The following CSMD1 variants were observed in gnomAD, a reference collection of about 807,000 sequenced individuals.
CSMD1 encodes the protein CUB and Sushi multiple domains 1, also known as CUB and sushi domain-containing protein 1.
CSMD1 carries 213 observed loss-of-function variants against 417.5 expected under a neutral mutation model. The ratio of observed to expected loss-of-function variants is 0.51; its 90% CI spans 0.46 to 0.57. The LOEUF is 0.57. Among genes scored for constraint, CSMD1 ranks in the 20% least tolerant of loss-of-function variants. The pLI, the probability that CSMD1 is intolerant of heterozygous loss-of-function variation, is 0.00. For missense variants in CSMD1, 6,923 were observed against 4,529.7 expected, an observed-to-expected ratio of 1.53 and a Z score of -15.17; for synonymous variants, 2,862 against 1,736.8, an observed-to-expected ratio of 1.65 and a Z score of -16.11.
intron 1 of CSMD1, among the ~76,000 whole-genome samples, chr8:4,661,602 A>T (rs1585410074): frequency 6.6e-6 from 1 of 152,212 alleles, no homozygotes; most frequent in Non-Finnish European, 1.5e-5. Context: ...ATGTTGTACT[A>T]TTTCCTGGCT....
At chr8:4,369,168 A>G (rs762289039) in intron 3 of CSMD1, among the ~76,000 whole-genome samples, 1 of 152,122 alleles carries the variant, frequency 6.6e-6, no homozygotes, top group Non-Finnish European at 1.5e-5. Context: ...CTGGTTTCAA[A>G]AACTTTTTTT....
chr8:4,747,002 T>C (rs552324727), intron 1 of CSMD1, among the ~76,000 whole-genome samples: 3 of 152,258 alleles, frequency 2.0e-5, no homozygotes, highest in South Asian at 4.1e-4. Flanking sequence ...AGGGAACTCG[T>C]GAGAAGGCGG....
chr8:4,927,181 A>T (rs774779594), intron 1 of CSMD1, among the ~76,000 whole-genome samples: 51 of 151,286 alleles, frequency 3.4e-4, no homozygotes, highest in Non-Finnish European at 7.2e-4. Flanking sequence ...ATCTCAGCTC[A>T]GGGCAATCTC....
chr8:4,426,472 TTATA>T (rs1330677657), intron 2 of CSMD1, among the ~76,000 whole-genome samples: 1 of 148,196 alleles, frequency 6.7e-6, no homozygotes, highest in Admixed American at 6.8e-5. Flanking sequence ...AGACTACAGT[TTATA>T]TATATGACAT....
Position 4,794,733 on chromosome 8 carries a change from T to C in CSMD1, c.86-157175A>G, listed in dbSNP as rs544726161. ...CAGAGTATTTTCTCAGGAAAAAAGC[T>C]CTGAACAGATTATTGAGCCATTTGA... On this transcript the variant is annotated intron_variant, in intron 1 of 69. Transcript: ENST00000635120. Among the ~76,000 whole-genome samples, 3 of 152,286 alleles carry C rather than the reference T, an allele frequency of 2.0e-5. No individual in the cohort carries two copies. The East Asian group carries it at 5.8e-4, about 29-fold the overall frequency.
intron 6 of CSMD1, among the ~76,000 whole-genome samples, chr8:3,752,608 T>C (rs1797401086): frequency 1.5e-5 from 2 of 137,886 alleles, no homozygotes; most frequent in Non-Finnish European, 3.0e-5. Context: ...GAGGCAAGAC[T>C]GCACCACTGC....
intron 1 of CSMD1, among the ~76,000 whole-genome samples, chr8:4,706,719 G>A (rs767059045): frequency 1.1e-4 from 17 of 152,166 alleles, no homozygotes; most frequent in Non-Finnish European, 1.8e-4. Context: ...ACAAAAGACA[G>A]AGATGTGGCC....
intron 26 of CSMD1, among the ~76,000 whole-genome samples, chr8:3,243,896 C>A (rs1298358837): frequency 6.6e-6 from 1 of 152,056 alleles, no homozygotes; most frequent in Non-Finnish European, 1.5e-5. Context: ...CTATTAAATG[C>A]ATGAACTACA....
rs1554529578 is a variant in CSMD1, at chr8:4,952,350, C to CATGAGAAG, written c.85+41981_85+41982insCTTCTCAT. 4.0e-5 allele frequency among the ~76,000 whole-genome samples: 6 copies of CATGAGAAG among 150,462 alleles called. No individual in the cohort carries two copies. The South Asian group carries it at 1.1e-3, about 26-fold the overall frequency. On this transcript the variant is annotated intron_variant, in intron 1 of 69. Transcript: ENST00000635120. ...ATGAAAACAAACCCAATAAGTGAAA[C>CATGAGAAG]TGAATAATGTATGCGTTGATTCAAA...
chr8:3,649,413 A>T (rs930788597), intron 7 of CSMD1, among the ~76,000 whole-genome samples: 6 of 152,220 alleles, frequency 3.9e-5, no homozygotes, highest in Non-Finnish European at 4.4e-5. Flanking sequence ...CACTGCTATA[A>T]ATAACTGCCT....
chr8:4,308,570 C>T (rs1798383132), intron 3 of CSMD1, among the ~76,000 whole-genome samples: 1 of 152,180 alleles, frequency 6.6e-6, no homozygotes, highest in Admixed American at 6.5e-5. Flanking sequence ...TCTTCCTGTG[C>T]TCTTACAGGA....
At chr8:3,513,617 A>G (rs1797168779) in intron 10 of CSMD1, among the ~76,000 whole-genome samples, 1 of 152,186 alleles carries the variant, frequency 6.6e-6, no homozygotes, top group South Asian at 2.1e-4. Flanking sequence ...AAAACATGGT[A>G]AGACTTACTG....
At chr8:3,365,560 T>C (rs1809505979) in intron 20 of CSMD1, among the ~76,000 whole-genome samples, 1 of 152,224 alleles carries the variant, frequency 6.6e-6, no homozygotes, top group African/African-American at 2.4e-5. Context: ...GGAGATTTGC[T>C]ACAACTTAAA....
chr8:3,021,938 A>T (rs1345841359), intron 51 of CSMD1, among the ~76,000 whole-genome samples: 1 of 140,934 alleles, frequency 7.1e-6, no homozygotes, highest in Non-Finnish European at 1.5e-5. Flanking sequence ...CAGCATCCGG[A>T]AAGCACCTGC....
Position 3,224,050 on chromosome 8 carries a change from AT to A in CSMD1, c.4346-184del, listed in dbSNP as rs561971921. ...ATTGTAAGACCCAGGAACTCTGTAC[AT>A]TTTTCATGTAACTGTTAATGAATTT... On this transcript the variant is annotated intron_variant, in intron 27 of 69. Transcript: ENST00000635120. Among the ~76,000 whole-genome samples, 5 of 152,294 alleles carry A rather than the reference AT, an allele frequency of 3.3e-5. No individual in the cohort carries two copies. The South Asian group carries it at 1.0e-3, about 32-fold the overall frequency.
intron 2 of CSMD1, among the ~76,000 whole-genome samples, chr8:4,436,300 T>C (rs1349461113): frequency 6.6e-6 from 1 of 152,198 alleles, no homozygotes; most frequent in Non-Finnish European, 1.5e-5. Flanking sequence ...TTTTTTCATC[T>C]TATCTGTTTT....
intron 3 of CSMD1, among the ~76,000 whole-genome samples, chr8:4,082,430 T>G (rs1038483652): frequency 6.6e-6 from 1 of 152,156 alleles, no homozygotes; most frequent in South Asian, 2.1e-4. Context: ...AAGAAATCTT[T>G]TGAAAATAGA....
chr8:3,427,275 G>C (rs17066097), intron 12 of CSMD1, among the ~76,000 whole-genome samples: 1 of 152,020 alleles, frequency 6.6e-6, no homozygotes, highest in East Asian at 1.9e-4. Context: ...CTACTTCATC[G>C]CAAACCACAA....
chr8:4,233,215 C>CT (rs1427157675), intron 3 of CSMD1, among the ~76,000 whole-genome samples: 1 of 152,080 alleles, frequency 6.6e-6, no homozygotes, highest in Non-Finnish European at 1.5e-5. Flanking sequence ...TCAATTTTTT[C>CT]TTTTTCTTTT....
Sources: allele counts gnomAD v4.1 joint callset (sites outside exome capture counted in the v4.1 genomes callset), GRCh38; gene constraint gnomAD v4.1.1; transcripts MANE v1.5; gene names NCBI Gene and HGNC (gene_info 2026-07-23, HGNC 2026-07-21).